The following SYNPR variants were observed in gnomAD, a reference collection of about 807,000 sequenced individuals.
The protein encoded by SYNPR is synaptoporin.
A neutral mutation model predicts 32.9 loss-of-function variants in SYNPR; 23 were observed. That is an observed-to-expected ratio of 0.70 (90% CI 0.50 to 0.99). SYNPR has a LOEUF of 0.99. SYNPR is among the 50% of genes least tolerant of loss of function. The probability of loss-of-function intolerance (pLI) is 0.00; values close to 1 mark genes in which losing one functional copy is unlikely to be tolerated. For missense variants in SYNPR, 318 were observed against 349.3 expected (o/e 0.91, Z 0.71); for synonymous variants, 146 against 135.9 (o/e 1.07, Z -0.52).
At chr3:63,607,185 C>G in intron 4 of SYNPR, among the ~76,000 whole-genome samples, 1 of 152,124 alleles carries the variant, frequency 6.6e-6, no homozygotes, top group East Asian at 1.9e-4. Context: ...TGGGCCCTAA[C>G]AAATATGTAC....
intron 2 of SYNPR, chr3:63,443,203 G>A (rs2107162831): frequency 1.5e-6 from 2 of 1,339,292 alleles, no homozygotes; most frequent in Non-Finnish European, 1.9e-6. Context: ...GTACTCAGCT[G>A]TGGGTTGTCA....
chr3:63,377,356 GT>G (rs2087908144), intron 2 of SYNPR, among the ~76,000 whole-genome samples: 1 of 152,158 alleles, frequency 6.6e-6, no homozygotes, highest in African/African-American at 2.4e-5. Flanking sequence ...GGTTTAAGAG[GT>G]ACTTGCTCCT....
At chr3:63,480,428 C>A (rs1041377694) in intron 2 of SYNPR, among the ~76,000 whole-genome samples, 4 of 152,088 alleles carry the variant, frequency 2.6e-5, no homozygotes, top group African/African-American at 7.2e-5. Context: ...AAAATAAAGA[C>A]AAACAAAGAG....
chr3:63,257,430 A>C (rs926997601), intron 2 of SYNPR, among the ~76,000 whole-genome samples: 2 of 152,204 alleles, frequency 1.3e-5, no homozygotes, highest in Non-Finnish European at 2.9e-5. Flanking sequence ...TCTTAAAGAA[A>C]AGAATTTTCA....
intron 2 of SYNPR, among the ~76,000 whole-genome samples, chr3:63,299,697 C>T (rs557733005): frequency 1.3e-5 from 2 of 152,108 alleles, no homozygotes; most frequent in South Asian, 2.1e-4. Context: ...AAAATGGTAG[C>T]TGTCTCATTG....
At chr3:63,260,577 G>A (rs2086429626) in intron 2 of SYNPR, among the ~76,000 whole-genome samples, 1 of 152,072 alleles carries the variant, frequency 6.6e-6, no homozygotes, top group African/African-American at 2.4e-5. Context: ...AATTCAAGAT[G>A]GATTAAAGAC....
At chr3:63,550,401 G>T (rs1405666916) in intron 3 of SYNPR, among the ~76,000 whole-genome samples, 1 of 151,826 alleles carries the variant, frequency 6.6e-6, no homozygotes, top group African/African-American at 2.4e-5. Flanking sequence ...TTGTGTGTGT[G>T]TGTGTATATA....
At chr3:63,322,205 T>C (rs559962382) in intron 2 of SYNPR, among the ~76,000 whole-genome samples, 1 of 152,162 alleles carries the variant, frequency 6.6e-6, no homozygotes, top group South Asian at 2.1e-4. Context: ...GAGTTTTCAT[T>C]TGCAACTTTT....
chr3:63,488,509 G>A (rs534687334), intron 3 of SYNPR, among the ~76,000 whole-genome samples: 1 of 152,280 alleles, frequency 6.6e-6, no homozygotes, highest in African/African-American at 2.4e-5. Context: ...GTAGTGAATT[G>A]TGCAGTGGAA....
intron 2 of SYNPR, among the ~76,000 whole-genome samples, chr3:63,328,691 T>C (rs1029141983): frequency 7.9e-5 from 12 of 152,002 alleles, no homozygotes; most frequent in African/African-American, 2.9e-4. Context: ...AATTGGAGAG[T>C]TGATGTGACC....
the SYNPR span, among the ~76,000 whole-genome samples, chr3:63,209,937 T>C: frequency 6.6e-6 from 1 of 152,276 alleles, no homozygotes; most frequent in East Asian, 1.9e-4. Flanking sequence ...GGATGGGTGC[T>C]TGAGAAATAT....
intron 2 of SYNPR, among the ~76,000 whole-genome samples, chr3:63,344,487 A>C (rs1304802043): frequency 6.6e-6 from 1 of 152,108 alleles, no homozygotes. Context: ...ATATTTAATT[A>C]AATTCAATTC....
intron 2 of SYNPR, among the ~76,000 whole-genome samples, chr3:63,354,490 A>G (rs2087549425): frequency 6.6e-6 from 1 of 152,212 alleles, no homozygotes; most frequent in Non-Finnish European, 1.5e-5. Context: ...ACAGACTAGT[A>G]AAGATGCTCT....
At chr3:63,408,202 A>AAG (rs1470119858) in intron 2 of SYNPR, among the ~76,000 whole-genome samples, 795 of 52,092 alleles carry the variant, frequency 0.015, 96 homozygotes, top group Non-Finnish European at 0.021. Context: ...AAGAGGAAGG[A>AAG]AGGAAGGAAG....
At chr3:63,565,930 T>A (rs1473811560) in intron 4 of SYNPR, among the ~76,000 whole-genome samples, 2 of 152,100 alleles carry the variant, frequency 1.3e-5, no homozygotes, top group Non-Finnish European at 2.9e-5. Flanking sequence ...CTCTCTTAGC[T>A]ACCTCCAACA....
chr3:63,382,843 T>C (rs2087989530), intron 2 of SYNPR, among the ~76,000 whole-genome samples: 1 of 152,214 alleles, frequency 6.6e-6, no homozygotes, highest in Admixed American at 6.5e-5. Flanking sequence ...TTTTTCTCAT[T>C]TACTTATTGA....
At chr3:63,472,039 G>A (rs951027110) in intron 2 of SYNPR, among the ~76,000 whole-genome samples, 1 of 152,202 alleles carries the variant, frequency 6.6e-6, no homozygotes, top group African/African-American at 2.4e-5. Flanking sequence ...GTGGAGGCTT[G>A]GGTGTTGCTG....
chr3:63,514,163 T>A (rs1257841265), intron 3 of SYNPR, among the ~76,000 whole-genome samples: 1 of 152,166 alleles, frequency 6.6e-6, no homozygotes, highest in African/African-American at 2.4e-5. Context: ...CACACAAATG[T>A]GTTTGGTGCA....
At chr3:63,474,653 G>T (rs1398072916) in intron 2 of SYNPR, among the ~76,000 whole-genome samples, 1 of 152,078 alleles carries the variant, frequency 6.6e-6, no homozygotes, top group Admixed American at 6.5e-5. Context: ...ACTGGCAAAT[G>T]CTATAAAACA....
Sources: allele counts gnomAD v4.1 joint callset (sites outside exome capture counted in the v4.1 genomes callset), GRCh38; gene constraint gnomAD v4.1.1; transcripts MANE v1.5; gene names NCBI Gene and HGNC (gene_info 2026-07-23, HGNC 2026-07-21).